Variants in ACTR3B observed in about 807,000 individuals in gnomAD.
The protein encoded by ACTR3B is actin related protein 3B, also known as actin-related protein 3B.
Under a neutral mutation model 59.0 loss-of-function variants are expected in ACTR3B, and 8 were observed. The observed-to-expected ratio is 0.14, with a 90% CI of 0.08 to 0.24. The LOEUF is 0.24. ACTR3B is among the 10% of genes least tolerant of loss of function. The pLI is 1.00. For missense variants in ACTR3B, 245 were observed against 552.3 expected (o/e 0.44, Z 5.58); for synonymous variants, 148 against 197.9 (o/e 0.75, Z 2.12).
chr7:152,778,096 T>G (rs1188734602), intron 1 of ACTR3B, among the ~76,000 whole-genome samples: 1 of 152,140 alleles, frequency 6.6e-6, no homozygotes, highest in Non-Finnish European at 1.5e-5. Flanking sequence ...GGCTTAATTC[T>G]GGCTTCAATA....
At position 152,827,017 on chromosome 7, in the gene ACTR3B, T is replaced by C. The variant is rs549955545; in HGVS notation, c.951+1895T>C. On this transcript the variant is annotated intron_variant, in intron 9 of 11. Coordinates refer to ENST00000256001, the MANE Select transcript of ACTR3B (RefSeq NM_020445.6). Reference sequence around the variant, plus strand: ...GCGGAGGGAAGAGGATTCTTCTTTTTGTTGCCCGTGCTGGAGTGCAGTGGC... The same window carrying C: ...GCGGAGGGAAGAGGATTCTTCTTTTCGTTGCCCGTGCTGGAGTGCAGTGGC... 2.4e-4 allele frequency among the ~76,000 whole-genome samples: 36 copies of C among 151,380 alleles called. 1 individual carries two copies. Among genetic ancestry groups the C allele is most frequent in the Non-Finnish European group, 3.8e-4 (26 of 67,886 alleles).
At chr7:152,782,342 G>C (rs1319568380) in intron 1 of ACTR3B, among the ~76,000 whole-genome samples, 1 of 151,704 alleles carries the variant, frequency 6.6e-6, no homozygotes, top group East Asian at 1.9e-4. Context: ...AAGCGCTGAT[G>C]AGTCTTCTCG....
In ACTR3B at chr7:152,838,656, A is replaced by G. The variant is rs376030906; in HGVS notation, c.952-13470A>G. Among the ~76,000 whole-genome samples, 5 of 152,274 alleles carry G rather than the reference A, an allele frequency of 3.3e-5. No homozygotes were observed. The East Asian group carries it at 9.7e-4, about 30-fold the overall frequency. On this transcript the variant is annotated intron_variant, in intron 9 of 11. Transcript: ENST00000256001. ...TGTAACAAACCTGCACGTTCTGCAC[A>G]TGTACCCCAGAACTTAAAGTATAAT...
At chr7:152,789,848 T>C (rs766318689) in intron 2 of ACTR3B, among the ~76,000 whole-genome samples, 7 of 152,200 alleles carry the variant, frequency 4.6e-5, no homozygotes, top group Non-Finnish European at 8.8e-5. Flanking sequence ...GAAATGCTTT[T>C]TCAGATTAAA....
intron 4 of ACTR3B, among the ~76,000 whole-genome samples, chr7:152,805,327 A>G (rs991453019): frequency 3.9e-5 from 6 of 152,048 alleles, no homozygotes; most frequent in African/African-American, 1.5e-4. Flanking sequence ...TTGGTTTTGT[A>G]CATGCTGAGG....
intron 4 of ACTR3B, chr7:152,810,842 C>G (rs997829460): frequency 6.6e-6 from 1 of 151,448 alleles, no homozygotes; most frequent in Admixed American, 6.6e-5. Flanking sequence ...GGTGGAGTCT[C>G]CCAGAGATCC....
At chr7:152,797,080 A>C (rs1352383860) in intron 2 of ACTR3B, among the ~76,000 whole-genome samples, 1 of 151,776 alleles carries the variant, frequency 6.6e-6, no homozygotes, top group Non-Finnish European at 1.5e-5. Flanking sequence ...TTTTTTAATT[A>C]AAAACAGTTT....
intron 1 of ACTR3B, among the ~76,000 whole-genome samples, chr7:152,778,403 T>A (rs2116581636): frequency 6.6e-6 from 1 of 152,010 alleles, no homozygotes; most frequent in African/African-American, 2.4e-5. Flanking sequence ...GCCCAGCTAA[T>A]TTTTTGTATT....
intron 4 of ACTR3B, among the ~76,000 whole-genome samples, chr7:152,803,426 T>C (rs1179543218): frequency 6.6e-6 from 1 of 152,170 alleles, no homozygotes; most frequent in African/African-American, 2.4e-5. Flanking sequence ...CCAAAACAAA[T>C]CACAGATTCC....
intron 1 of ACTR3B, among the ~76,000 whole-genome samples, chr7:152,774,957 A>G (rs1263737721): frequency 1.3e-5 from 2 of 152,124 alleles, no homozygotes; most frequent in African/African-American, 4.8e-5. Flanking sequence ...GAGTAGAGCT[A>G]TTATGATTGA....
intron 9 of ACTR3B, among the ~76,000 whole-genome samples, chr7:152,839,136 A>G (rs898329565): frequency 1.3e-5 from 2 of 149,362 alleles, no homozygotes; most frequent in Admixed American, 1.3e-4. Flanking sequence ...ACCAGATTTC[A>G]GCTCAGCACA....
chr7:152,823,137 C>T (rs1203805573), intron 7 of ACTR3B, among the ~76,000 whole-genome samples: 1 of 152,206 alleles, frequency 6.6e-6, no homozygotes, highest in African/African-American at 2.4e-5. Context: ...AGAAAGCAGA[C>T]TTACCTGTCC....
chr7:152,767,093 G>GTTT (rs59830659), intron 1 of ACTR3B, among the ~76,000 whole-genome samples: 1 of 141,672 alleles, frequency 7.1e-6, no homozygotes. Flanking sequence ...CAGCTGGTAG[G>GTTT]TTTTTTTTTT....
chr7:152,828,034 C>CG (rs1234909649), intron 9 of ACTR3B, among the ~76,000 whole-genome samples: 2 of 151,244 alleles, frequency 1.3e-5, no homozygotes, highest in Non-Finnish European at 2.9e-5. Context: ...AGCCGAAGAC[C>CG]GTGTTGAACG....
In ACTR3B at chr7:152,824,707, A is replaced by G. The variant is rs186458297; in HGVS notation, c.859-323A>G. 7.0e-3 allele frequency among the ~76,000 whole-genome samples: 1,063 copies of G among 152,242 alleles called. 8 individuals are homozygous for G. The highest frequency in any genetic ancestry group is 0.028 in the South Asian group (133 of 4,824). ...AAAGTCATGTTTCTCACTGCGTGTC[A>G]CATAGATCGTGCACATACTCTCCAC... On this transcript the variant is annotated intron_variant, in intron 8 of 11. Coordinates refer to ENST00000256001, the MANE Select transcript of ACTR3B (RefSeq NM_020445.6). This position sits in a 1 kb window ranked among gnomAD's most constrained non-coding sequence, Gnocchi z 4.2.
intron 2 of ACTR3B, among the ~76,000 whole-genome samples, chr7:152,785,036 T>C (rs960789310): frequency 3.3e-5 from 5 of 152,052 alleles, no homozygotes; most frequent in Admixed American, 2.0e-4. Flanking sequence ...CCATGCTGAG[T>C]TGATAAATTG....
At chr7:152,767,551 G>T (rs1246198234) in intron 1 of ACTR3B, among the ~76,000 whole-genome samples, 2 of 152,052 alleles carry the variant, frequency 1.3e-5, no homozygotes, top group Non-Finnish European at 1.5e-5. Flanking sequence ...TTTTTATTGG[G>T]ATTTTATTAA....
intron 9 of ACTR3B, among the ~76,000 whole-genome samples, chr7:152,848,093 A>G (rs186077743): frequency 6.6e-6 from 1 of 152,346 alleles, no homozygotes; most frequent in East Asian, 1.9e-4. Flanking sequence ...CAGAATAACA[A>G]TAGCTCAGAA....
intron 9 of ACTR3B, among the ~76,000 whole-genome samples, chr7:152,825,460 C>T (rs1285161803): frequency 2.0e-5 from 3 of 151,968 alleles, no homozygotes; most frequent in African/African-American, 2.4e-5. Flanking sequence ...TACAGGTGCA[C>T]GCCACCACAC....
Sources: allele counts gnomAD v4.1 joint callset (sites outside exome capture counted in the v4.1 genomes callset), GRCh38; gene constraint gnomAD v4.1.1; non-coding constraint Gnocchi (gnomAD v3.1); transcripts MANE v1.5; gene names NCBI Gene and HGNC (gene_info 2026-07-23, HGNC 2026-07-21).